The following SNTB1 variants were observed in gnomAD, a reference collection of about 807,000 sequenced individuals.
The protein encoded by SNTB1 is beta-1-syntrophin.
Under a neutral mutation model 48.9 loss-of-function variants are expected in SNTB1, and 36 were observed. That is an observed-to-expected ratio of 0.74 (90% CI 0.56 to 0.97). SNTB1 has a LOEUF of 0.97. Ranked by LOEUF, SNTB1 falls within the 50% of genes least tolerant of loss-of-function variation. The probability of loss-of-function intolerance (pLI) is 0.00; values close to 1 mark genes in which losing one functional copy is unlikely to be tolerated. For synonymous variants in SNTB1, 299 were observed against 294.6 expected (o/e 1.01, Z -0.15); for missense variants, 786 against 703.4 (o/e 1.12, Z -1.33).
At chr8:120,783,564 C>T (rs533855180) in intron 1 of SNTB1, among the ~76,000 whole-genome samples, 2 of 152,306 alleles carry the variant, frequency 1.3e-5, no homozygotes, top group South Asian at 4.1e-4. Context: ...AATTCTCCCT[C>T]CTCTTCCTCC....
chr8:120,721,023 A>G lies in SNTB1; in HGVS notation c.572-27115T>C, dbSNP rs553852974. 2.0e-5 allele frequency among the ~76,000 whole-genome samples: 3 copies of G among 152,330 alleles called. No homozygotes were observed. In the East Asian group the frequency reaches 5.8e-4, roughly 29 times the overall value. On this transcript the variant is annotated intron_variant, in intron 1 of 6. Transcript: ENST00000517992. The stretch of plus-strand genomic sequence containing the variant: ...TTAAATACTTGGGCGTATTCCTGAG[A>G]CAGCCTGGGTAGCCTCCCTGTTTTG...
chr8:120,791,880 A>G (rs1337969563), intron 1 of SNTB1, among the ~76,000 whole-genome samples: 1 of 151,972 alleles, frequency 6.6e-6, no homozygotes, highest in Non-Finnish European at 1.5e-5. Flanking sequence ...GTACACCTCT[A>G]TGGAAAATGG....
intron 1 of SNTB1, among the ~76,000 whole-genome samples, chr8:120,810,438 C>T (rs1563610296): frequency 6.6e-6 from 1 of 152,158 alleles, no homozygotes; most frequent in Non-Finnish European, 1.5e-5. Flanking sequence ...CATCAGATCT[C>T]AAGAGAGAGA....
intron 2 of SNTB1, among the ~76,000 whole-genome samples, chr8:120,651,480 T>C (rs181852743): frequency 1.3e-5 from 2 of 152,312 alleles, no homozygotes; most frequent in East Asian, 3.9e-4. Context: ...GAGCTACAAT[T>C]AGCTGTTGAA....
At chr8:120,659,517 C>T (rs1201304335) in intron 2 of SNTB1, among the ~76,000 whole-genome samples, 1 of 152,140 alleles carries the variant, frequency 6.6e-6, no homozygotes, top group African/African-American at 2.4e-5. Flanking sequence ...CAGAGTTACC[C>T]ATGAGGGTTG....
intron 1 of SNTB1, among the ~76,000 whole-genome samples, chr8:120,714,874 C>T (rs1044001994): frequency 6.6e-6 from 1 of 152,190 alleles, no homozygotes; most frequent in African/African-American, 2.4e-5. Context: ...AACATCTGTT[C>T]TTACATTCAA....
chr8:120,771,751 TTATAA>T (rs890045411), intron 1 of SNTB1, among the ~76,000 whole-genome samples: 146 of 152,244 alleles, frequency 9.6e-4, no homozygotes, highest in African/African-American at 3.3e-3. Context: ...CTGAGCCTCT[TTATAA>T]TATAACTTAG....
At chr8:120,582,170 C>T (rs1406393542) in intron 3 of SNTB1, among the ~76,000 whole-genome samples, 1 of 152,126 alleles carries the variant, frequency 6.6e-6, no homozygotes, top group African/African-American at 2.4e-5. Flanking sequence ...TAAATGTATT[C>T]AAGTTAAACA....
chr8:120,658,099 T>C (rs1817529465), intron 2 of SNTB1, among the ~76,000 whole-genome samples: 2 of 152,202 alleles, frequency 1.3e-5, no homozygotes, highest in Admixed American at 1.3e-4. Flanking sequence ...AAATCTTTCC[T>C]TAGTGAGGGT....
chr8:120,551,452 G>A (rs186034027), intron 4 of SNTB1, among the ~76,000 whole-genome samples: 7 of 152,082 alleles, frequency 4.6e-5, no homozygotes, highest in Non-Finnish European at 1.0e-4. Context: ...ATACAAAGCT[G>A]TATTAGAACC....
chr8:120,717,886 A>C (rs1350956257), intron 1 of SNTB1, among the ~76,000 whole-genome samples: 1 of 152,220 alleles, frequency 6.6e-6, no homozygotes, highest in Non-Finnish European at 1.5e-5. Flanking sequence ...AAAAAGAGCC[A>C]TACAGTAGTG....
chr8:120,625,835 T>C (rs1267582510), intron 3 of SNTB1, among the ~76,000 whole-genome samples: 1 of 152,254 alleles, frequency 6.6e-6, no homozygotes, highest in African/African-American at 2.4e-5. Context: ...ACAGTAGTTC[T>C]ATTTCTATCT....
intron 4 of SNTB1, among the ~76,000 whole-genome samples, chr8:120,561,314 C>A (rs1815653137): frequency 1.3e-5 from 1 of 77,394 alleles, no homozygotes. Flanking sequence ...AGTGAAACTC[C>A]ATCTCAAAAA....
chr8:120,807,318 G>C (rs1184653753), intron 1 of SNTB1, among the ~76,000 whole-genome samples: 1 of 152,194 alleles, frequency 6.6e-6, no homozygotes, highest in African/African-American at 2.4e-5. Context: ...AGCTGCCAAG[G>C]ACGTTTGTGC....
intron 1 of SNTB1, among the ~76,000 whole-genome samples, chr8:120,760,207 A>G (rs1228197962): frequency 6.6e-6 from 1 of 152,036 alleles, no homozygotes; most frequent in Non-Finnish European, 1.5e-5. Flanking sequence ...CTCACAAGCT[A>G]TACAAACACA....
intron 2 of SNTB1, among the ~76,000 whole-genome samples, chr8:120,681,451 G>A (rs903248432): frequency 6.6e-6 from 1 of 152,136 alleles, no homozygotes. Flanking sequence ...CCATCCAGAT[G>A]TGAGTCCCTT....
At chr8:120,632,148 T>C (rs1816992153) in intron 3 of SNTB1, among the ~76,000 whole-genome samples, 1 of 152,204 alleles carries the variant, frequency 6.6e-6, no homozygotes, top group Admixed American at 6.5e-5. Context: ...TTCCCTTCCC[T>C]TCATACATAG....
chr8:120,681,467 T>C (rs936107492), intron 2 of SNTB1, among the ~76,000 whole-genome samples: 4 of 152,176 alleles, frequency 2.6e-5, no homozygotes, highest in African/African-American at 7.2e-5. Flanking sequence ...CCCTTGGCTC[T>C]GCACAACCTG....
intron 1 of SNTB1, among the ~76,000 whole-genome samples, chr8:120,728,985 C>CTT (rs61106051): frequency 2.1e-5 from 3 of 145,566 alleles, no homozygotes; most frequent in Non-Finnish European, 3.0e-5. Flanking sequence ...GTTTACTGAC[C>CTT]TTTTTTTTTT....
Sources: gnomAD v4.1 joint callset for allele counts (sites outside exome capture counted in the v4.1 genomes callset) on GRCh38, gnomAD v4.1.1 for gene constraint, MANE v1.5 for transcripts, NCBI Gene and HGNC (gene_info 2026-07-23, HGNC 2026-07-21) for gene names.